UBE2G1: variants seen among roughly 807,000 people sequenced by gnomAD.
The protein encoded by UBE2G1 is ubiquitin-conjugating enzyme E2 G1.
UBE2G1 carries 5 observed loss-of-function variants against 22.7 expected under a neutral mutation model. The observed-to-expected ratio is 0.22, with a 90% CI of 0.12 to 0.46. UBE2G1 has a LOEUF of 0.46. Ranked by LOEUF, UBE2G1 falls within the 20% of genes least tolerant of loss-of-function variation. The pLI is 0.99. For synonymous variants in UBE2G1, 74 were observed against 67.5 expected, an observed-to-expected ratio of 1.10 and a Z score of -0.47; for missense variants, 88 against 203.9, an observed-to-expected ratio of 0.43 and a Z score of 3.46.
intron 3 of UBE2G1, among the ~76,000 whole-genome samples, chr17:4,291,449 G>A (rs1383301962): frequency 1.3e-5 from 2 of 150,194 alleles, no homozygotes; most frequent in Admixed American, 1.3e-4. Flanking sequence ...ATTTTACAAT[G>A]TTTTCTGTAC....
chr17:4,337,254 T>A (rs1332087349), intron 1 of UBE2G1, among the ~76,000 whole-genome samples: 4 of 145,250 alleles, frequency 2.8e-5, no homozygotes, highest in African/African-American at 1.0e-4. Context: ...GGTGGGAGGA[T>A]CCCTTGAGCC....
In UBE2G1 at chr17:4,273,132, A is replaced by C. The variant is rs1968779922; in HGVS notation, c.*38-616T>G. On this transcript the variant is annotated intron_variant, in intron 5 of 5. Coordinates refer to ENST00000396981, the MANE Select transcript of UBE2G1 (RefSeq NM_003342.5). ...TGTTGGCCTCGTATCATCCAGTTAG[A>C]CTGTAAGTCAAGAACACATCTACAT... 2.0e-5 allele frequency among the ~76,000 whole-genome samples: 3 copies of C among 152,166 alleles called. No individual in the cohort carries two copies. In the East Asian group the frequency reaches 5.8e-4, roughly 29 times the overall value.
intron 2 of UBE2G1, among the ~76,000 whole-genome samples, chr17:4,297,615 G>T (rs1969126941): frequency 6.6e-6 from 1 of 152,014 alleles, no homozygotes; most frequent in Admixed American, 6.6e-5. Context: ...GCCTTAAAGG[G>T]CAAAAATACT....
rs1968728771 is a variant in UBE2G1 at position 4,269,656 on chromosome 17, T to A, written c.*2898A>T. ...GTTACCTTAGTATGACACGTCAACCTCATATGGATTTTAAACTCAAAAAAG... is the reference window on the plus strand; with the variant it reads ...GTTACCTTAGTATGACACGTCAACCACATATGGATTTTAAACTCAAAAAAG... On this transcript the variant is annotated 3_prime_UTR_variant, in exon 6 of 6. Coordinates refer to ENST00000396981, the MANE Select transcript of UBE2G1 (RefSeq NM_003342.5). 5.4e-6 allele frequency: 1 copy of A among 186,146 alleles called. No homozygotes were observed. The highest frequency in any genetic ancestry group is 2.4e-5 in the African/African-American group (1 of 41,524). The allele number at this position is 186,146 out of a possible 1,614,324, so 11.5% of individuals were successfully genotyped here.
chr17:4,314,376 T>C (rs1969343951), intron 1 of UBE2G1, among the ~76,000 whole-genome samples: 1 of 152,204 alleles, frequency 6.6e-6, no homozygotes, highest in African/African-American at 2.4e-5. Context: ...ATAAAGTTAG[T>C]AACAACGAAT....
intron 1 of UBE2G1, among the ~76,000 whole-genome samples, chr17:4,334,459 A>G (rs1969621304): frequency 6.6e-6 from 1 of 152,314 alleles, no homozygotes. Context: ...CATTTTACTC[A>G]TCACTTCTTA....
At chr17:4,283,593 G>T (rs1407142156) in intron 4 of UBE2G1, among the ~76,000 whole-genome samples, 1 of 152,122 alleles carries the variant, frequency 6.6e-6, no homozygotes, top group Admixed American at 6.5e-5. Flanking sequence ...GCAACATAAG[G>T]TAGATAGGTG....
At chr17:4,294,739 AC>A (rs1193821533) in intron 3 of UBE2G1, among the ~76,000 whole-genome samples, 1 of 151,602 alleles carries the variant, frequency 6.6e-6, no homozygotes, top group African/African-American at 2.4e-5. Flanking sequence ...ACATGGTGAA[AC>A]CCCGTCTTTA....
At chr17:4,348,552 CAAA>C (rs777127524) in intron 1 of UBE2G1, among the ~76,000 whole-genome samples, 3 of 64,232 alleles carry the variant, frequency 4.7e-5, no homozygotes, top group Non-Finnish European at 9.8e-5. Context: ...GACTCCGTCT[CAAA>C]AAAAAAAAAA....
At chr17:4,355,211 A>G (rs1969892142) in intron 1 of UBE2G1, among the ~76,000 whole-genome samples, 1 of 151,516 alleles carries the variant, frequency 6.6e-6, no homozygotes, top group African/African-American at 2.4e-5. Flanking sequence ...CATGTTGGCC[A>G]TGGCTTATCT....
At chr17:4,277,096 C>T (rs1001045956) in intron 5 of UBE2G1, among the ~76,000 whole-genome samples, 1 of 152,220 alleles carries the variant, frequency 6.6e-6, no homozygotes, top group African/African-American at 2.4e-5. Flanking sequence ...CACCCTCTCT[C>T]ACTTGCTGCC....
chr17:4,325,460 G>C (rs1969495148), intron 1 of UBE2G1, among the ~76,000 whole-genome samples: 1 of 152,096 alleles, frequency 6.6e-6, no homozygotes, highest in African/African-American at 2.4e-5. Flanking sequence ...TTCTGTATAA[G>C]TGAATATATG....
chr17:4,349,584 C>A (rs1469508808), intron 1 of UBE2G1, among the ~76,000 whole-genome samples: 4 of 152,044 alleles, frequency 2.6e-5, no homozygotes, highest in Admixed American at 1.3e-4. Flanking sequence ...TGGCTCACGC[C>A]TGTAATCCCA....
At chr17:4,302,058 G>T in intron 2 of UBE2G1, 1 of 503,072 alleles carries the variant, frequency 2.0e-6, no homozygotes, top group Non-Finnish European at 4.0e-6. Flanking sequence ...GGGGGGGGAA[G>T]TTTTTACATT....
chr17:4,337,392 C>G (rs1969661472), intron 1 of UBE2G1, among the ~76,000 whole-genome samples: 1 of 151,234 alleles, frequency 6.6e-6, no homozygotes, highest in African/African-American at 2.4e-5. Context: ...GTGGCTCACG[C>G]CTGTAATCCC....
intron 1 of UBE2G1, among the ~76,000 whole-genome samples, chr17:4,346,978 C>A (rs1969784801): frequency 6.6e-6 from 1 of 151,742 alleles, no homozygotes; most frequent in East Asian, 2.0e-4. Context: ...CACAGTGAAA[C>A]CCCGTCTCTA....
intron 1 of UBE2G1, among the ~76,000 whole-genome samples, chr17:4,349,209 A>G (rs563687432): frequency 5.3e-5 from 8 of 152,152 alleles, no homozygotes; most frequent in African/African-American, 1.9e-4. Context: ...AGTCCCAGCT[A>G]CTCAGGATGC....
chr17:4,330,072 G>A (rs969306008), intron 1 of UBE2G1, among the ~76,000 whole-genome samples: 4 of 151,970 alleles, frequency 2.6e-5, no homozygotes, highest in African/African-American at 9.7e-5. Context: ...CACGTATGAC[G>A]TAAAAGACTA....
At chr17:4,329,110 A>G (rs1228915395) in intron 1 of UBE2G1, among the ~76,000 whole-genome samples, 1 of 28,612 alleles carries the variant, frequency 3.5e-5, no homozygotes, top group East Asian at 3.1e-4. Context: ...TCTCAAAAAG[A>G]AAAAAAAAAA....
Sources: allele counts gnomAD v4.1 joint callset (sites outside exome capture counted in the v4.1 genomes callset), GRCh38; gene constraint gnomAD v4.1.1; transcripts MANE v1.5; gene names NCBI Gene and HGNC (gene_info 2026-07-23, HGNC 2026-07-21).